Variants in NEK1 observed in about 807,000 individuals in gnomAD.
NEK1 encodes the protein serine/threonine-protein kinase Nek1.
In NEK1, 137 loss-of-function variants were observed where a neutral mutation model predicts 182.1. The ratio of observed to expected loss-of-function variants is 0.75; its 90% confidence interval spans 0.65 to 0.87. The LOEUF (loss-of-function observed/expected upper bound fraction) is 0.87, where lower values mean the gene tolerates loss of function less well. NEK1 is among the 40% of genes least tolerant of loss of function. The pLI, the probability that NEK1 is intolerant of heterozygous loss-of-function variation, is 0.00. For synonymous variants in NEK1, 513 were observed against 492.2 expected (o/e 1.04, Z -0.56); for missense variants, 1,391 against 1,494.4 (o/e 0.93, Z 1.14).
chr4:169,537,982 A>C, intron 18 of NEK1, 71 bp from the exon 19 acceptor site: 2 of 1,124,350 alleles, frequency 1.8e-6, no homozygotes, highest in Non-Finnish European at 2.5e-6. Context: ...AATTACATTT[A>C]TCCTAAATTT....
In NEK1 at chr4:169,588,702, G is replaced by A; in HGVS notation, c.498C>T (p.Thr166=). The A allele has an allele frequency of 6.5e-7, 1 of 1,549,856 alleles. No homozygotes were observed. Among genetic ancestry groups the A allele is most frequent in the Non-Finnish European group, 8.7e-7 (1 of 1,145,362 alleles). Residue 166 remains threonine (T), a synonymous_variant, in exon 8 of 36, where the codon ACC becomes ACT. Transcript: ENST00000507142. ...TVELARTCIG[T]PYYLSPEICE... is the part of the protein sequence containing the mutation. Reference sequence around the variant, plus strand: ...AGATTTCAGGTGACAAGTAGTATGGGGTCCCTATGCAAGTTCGAGCCAGCT... The same window carrying A: ...AGATTTCAGGTGACAAGTAGTATGGAGTCCCTATGCAAGTTCGAGCCAGCT...
intron 18 of NEK1, among the ~76,000 whole-genome samples, chr4:169,553,604 G>A (rs76203743): frequency 1.3e-5 from 2 of 152,024 alleles, no homozygotes; most frequent in East Asian, 3.9e-4. Flanking sequence ...ATCTGCCAAA[G>A]ACATACCTGA....
intron 12 of NEK1, among the ~76,000 whole-genome samples, chr4:169,568,450 A>G (rs1387758213): frequency 1.3e-5 from 2 of 152,138 alleles, no homozygotes; most frequent in East Asian, 1.9e-4. Context: ...TCCACGGCAC[A>G]TTTTTTTAAA....
intron 31 of NEK1, among the ~76,000 whole-genome samples, chr4:169,417,745 C>G (rs1425872000): frequency 6.6e-6 from 1 of 152,050 alleles, no homozygotes; most frequent in Non-Finnish European, 1.5e-5. Context: ...GAAAACTGGA[C>G]AAAATACATG....
At chr4:169,451,264 C>G (rs1741702250) in intron 27 of NEK1, among the ~76,000 whole-genome samples, 1 of 152,206 alleles carries the variant, frequency 6.6e-6, no homozygotes, top group Non-Finnish European at 1.5e-5. Context: ...AGGACCTGAA[C>G]TCAGCTCTGC....
chr4:169,560,644 T>A (rs1762771720), intron 16 of NEK1, among the ~76,000 whole-genome samples: 1 of 152,090 alleles, frequency 6.6e-6, no homozygotes, highest in Admixed American at 6.5e-5. Flanking sequence ...TTCTACCAAC[T>A]ACAAATAGAG....
chr4:169,609,411 A>G (rs1405520593), intron 2 of NEK1, among the ~76,000 whole-genome samples: 1 of 152,246 alleles, frequency 6.6e-6, no homozygotes, highest in Non-Finnish European at 1.5e-5. Flanking sequence ...TATCCTCTGC[A>G]GCACTGTTTC....
At chr4:169,591,168 T>C (rs1341965808) in intron 5 of NEK1, among the ~76,000 whole-genome samples, 3 of 146,008 alleles carry the variant, frequency 2.1e-5, no homozygotes, top group Admixed American at 6.8e-5. Context: ...TCTTTAGGGA[T>C]AGGGTCTTGC....
chr4:169,503,185 T>A (rs1002067002), intron 23 of NEK1, among the ~76,000 whole-genome samples: 8 of 152,098 alleles, frequency 5.3e-5, no homozygotes, highest in Admixed American at 5.2e-4. Flanking sequence ...GTGAAAGATC[T>A]CTACAAGGAG....
Position 169,602,691 on chromosome 4 carries a change from A to C in NEK1, c.-48-13T>G. On this transcript the variant is annotated splice_polypyrimidine_tract_variant and intron_variant, in intron 2 of 35. Transcript: ENST00000507142. ...GACATTTAAAAAACTAACAAAAAAG[A>C]TAAAGCATTTATAACATGAGATAAA... 1.1e-6 allele frequency: 1 copy of C among 872,982 alleles called. No individual in the cohort carries two copies. Among genetic ancestry groups the C allele is most frequent in the South Asian group, 1.5e-5 (1 of 68,202 alleles). 54.1% of individuals were successfully genotyped at this position (872,982 alleles called of 1,614,324 possible).
intron 18 of NEK1, among the ~76,000 whole-genome samples, chr4:169,542,187 A>C (rs1015494902): frequency 1.3e-5 from 2 of 151,958 alleles, no homozygotes; most frequent in African/African-American, 4.8e-5. Flanking sequence ...GACCGGCCCC[A>C]GTGTGTGATG....
Position 169,590,204 on chromosome 4 carries a change from G to T in NEK1, c.396+522C>A, listed in dbSNP as rs529179269. On this transcript the variant is annotated intron_variant, in intron 6 of 35. Transcript: ENST00000507142. ...GTGCCTGCAATCCCAGCTACTCGTTGGTCTGAGGCAGGAGAATCGCTTGAA... is the reference window on the plus strand; with the variant it reads ...GTGCCTGCAATCCCAGCTACTCGTTTGTCTGAGGCAGGAGAATCGCTTGAA... 9.9e-4 allele frequency among the ~76,000 whole-genome samples: 150 copies of T among 152,184 alleles called. 1 individual carries two copies. Among genetic ancestry groups the T allele is most frequent in the African/African-American group, 3.5e-3 (146 of 41,536 alleles).
intron 5 of NEK1, among the ~76,000 whole-genome samples, 184 bp downstream of exon 5, chr4:169,598,916 T>G (rs1770020181): frequency 6.6e-6 from 1 of 152,186 alleles, no homozygotes; most frequent in Non-Finnish European, 1.5e-5. Flanking sequence ...AGACTATAAA[T>G]GAGATGGGCA....
At chr4:169,398,721 T>C (rs369279600) in intron 35 of NEK1, among the ~76,000 whole-genome samples, 337 of 152,324 alleles carry the variant, frequency 2.2e-3, no homozygotes, top group Non-Finnish European at 3.0e-3. Context: ...TCTCTTACTA[T>C]ATACATATAT....
chr4:169,602,249 A>T, intron 3 of NEK1, 145 bp from the exon 4 acceptor site: 1 of 659,854 alleles, frequency 1.5e-6, no homozygotes, highest in Non-Finnish European at 2.6e-6. Context: ...GAATGAGTTG[A>T]ATCTGTAAGT....
chr4:169,535,616 C>G (rs951333311), intron 19 of NEK1, among the ~76,000 whole-genome samples: 1 of 151,898 alleles, frequency 6.6e-6, no homozygotes, highest in African/African-American at 2.4e-5. Flanking sequence ...AGTGGGCTCA[C>G]GTCTGTAATC....
At chr4:169,578,025 A>G (rs1765995801) in intron 11 of NEK1, among the ~76,000 whole-genome samples, 2 of 152,132 alleles carry the variant, frequency 1.3e-5, no homozygotes, top group South Asian at 4.1e-4. Context: ...CACTTTCTGG[A>G]GAGCAATCTA....
At chr4:169,579,353 C>T (rs1181824626) in intron 11 of NEK1, among the ~76,000 whole-genome samples, 2 of 152,152 alleles carry the variant, frequency 1.3e-5, no homozygotes, top group Non-Finnish European at 1.5e-5. Flanking sequence ...GACAAAGAGC[C>T]TTTTGATTAA....
At chr4:169,569,220 T>C (rs183285688) in intron 12 of NEK1, among the ~76,000 whole-genome samples, 1 of 152,220 alleles carries the variant, frequency 6.6e-6, no homozygotes, top group Non-Finnish European at 1.5e-5. Flanking sequence ...CAATTTCAAA[T>C]GTTCTAGAGC....
Sources: gnomAD v4.1 joint callset for allele counts (sites outside exome capture counted in the v4.1 genomes callset) on GRCh38, gnomAD v4.1.1 for gene constraint, MANE v1.5 for transcripts, NCBI Gene and HGNC (gene_info 2026-07-23, HGNC 2026-07-21) for gene names.